The following CFAP54 variants were observed in gnomAD, a reference collection of about 807,000 sequenced individuals.
CFAP54 encodes the protein cilia and flagella associated protein 54, also known as cilia- and flagella-associated protein 54.
In CFAP54, 290 loss-of-function variants were observed where a neutral mutation model predicts 370.4. The observed-to-expected ratio is 0.78, with a 90% confidence interval of 0.71 to 0.86. CFAP54 has a LOEUF of 0.86. CFAP54 is among the 40% of genes least tolerant of loss of function. The pLI, the probability that CFAP54 is intolerant of heterozygous loss-of-function variation, is 0.00. For missense variants in CFAP54, 3,399 were observed against 3,528.7 expected (o/e 0.96, Z 0.93); for synonymous variants, 1,206 against 1,236.5 (o/e 0.98, Z 0.52).
chr12:96,520,248 A>G (rs1955289781), intron 6 of CFAP54, among the ~76,000 whole-genome samples: 3 of 152,174 alleles, frequency 2.0e-5, no homozygotes, highest in Admixed American at 6.5e-5. Flanking sequence ...TACTTGAAAT[A>G]TAACTTAACT....
chr12:96,513,092 T>G lies in CFAP54; in HGVS notation c.798+48T>G, dbSNP rs183291185. 6,100 of 1,204,000 alleles carry G rather than the reference T, an allele frequency of 5.1e-3. 19 individuals are homozygous for G. Among genetic ancestry groups the G allele is most frequent in the Non-Finnish European group, 6.0e-3 (5,317 of 882,324 alleles). The allele number at this position is 1,204,000 out of a possible 1,614,324, so 74.6% of individuals were successfully genotyped here. A position where few individuals can be genotyped will look rare whatever the true frequency, so the allele number is the denominator to read the frequency against. On this transcript the variant is annotated intron_variant, in intron 5 of 67. Transcript: ENST00000524981. The stretch of plus-strand genomic sequence containing the variant: ...ATTTTCCCCTCTATTTCCTGTTTTA[T>G]TTTTCTTAAGGCTTTCATTACACAG...
intron 38 of CFAP54, among the ~76,000 whole-genome samples, chr12:96,663,434 T>C (rs1957019669): frequency 6.6e-6 from 1 of 152,194 alleles, no homozygotes; most frequent in South Asian, 2.1e-4. Context: ...GGAAGTTAGT[T>C]CTGAAAAACT....
intron 55 of CFAP54, among the ~76,000 whole-genome samples, chr12:96,749,719 C>G (rs966790092): frequency 6.6e-6 from 1 of 152,204 alleles, no homozygotes; most frequent in African/African-American, 2.4e-5. Context: ...CTTTATATCT[C>G]TATACATGCT....
At chr12:96,503,405 C>T (rs1484205108) in intron 2 of CFAP54, among the ~76,000 whole-genome samples, 3 of 143,612 alleles carry the variant, frequency 2.1e-5, no homozygotes, top group South Asian at 2.3e-4. Context: ...TCCTCCCTTC[C>T]TCTCTCCCTC....
chr12:96,816,081 T>C (rs1269179946), intron 64 of CFAP54, among the ~76,000 whole-genome samples: 1 of 152,236 alleles, frequency 6.6e-6, no homozygotes, highest in Non-Finnish European at 1.5e-5. Context: ...TAAAGTAGTT[T>C]TTTTCTAATT....
intron 45 of CFAP54, among the ~76,000 whole-genome samples, chr12:96,698,763 T>C (rs148183147): frequency 6.6e-6 from 1 of 152,220 alleles, no homozygotes; most frequent in East Asian, 1.9e-4. Context: ...TGACTGCAAG[T>C]TGTTCAGGTT....
At chr12:96,795,236 G>A (rs1336493567) in intron 63 of CFAP54, among the ~76,000 whole-genome samples, 1 of 152,160 alleles carries the variant, frequency 6.6e-6, no homozygotes, top group African/African-American at 2.4e-5. Context: ...AGGAAGTGGT[G>A]CTTTCAAGAG....
intron 11 of CFAP54, 93 bp from the exon 12 acceptor site, chr12:96,535,422 A>AT (rs11453356): frequency 0.41 from 299,346 of 734,462 alleles, 63,941 homozygotes; most frequent in South Asian, 0.45. Context: ...CATTTGTGTC[A>AT]TTTTTTTAGC....
intron 60 of CFAP54, among the ~76,000 whole-genome samples, chr12:96,773,533 A>C (rs1359745622): frequency 6.6e-6 from 1 of 152,256 alleles, no homozygotes; most frequent in Non-Finnish European, 1.5e-5. Context: ...TTTAAGATGG[A>C]TGTTGAGTGA....
chr12:96,664,736 T>G (rs1208814703), intron 39 of CFAP54, among the ~76,000 whole-genome samples: 2 of 26,650 alleles, frequency 7.5e-5, no homozygotes, highest in African/African-American at 3.2e-4. Flanking sequence ...TATATATATA[T>G]ATCTATATAT....
Position 96,786,763 on chromosome 12 carries a change from A to C in CFAP54, c.8544A>C (p.Lys2848Asn), listed in dbSNP as rs974053281. Residue 2848 changes from lysine to asparagine, a missense_variant, in exon 62 of 68, where the codon AAA (lysine) becomes AAC (asparagine). Lys to Asn is a moderately conservative substitution (Grantham distance 94). Around this residue, in one of 3 missense-constraint regions of CFAP54, gnomAD observed 2,796 missense variants for 2,869.7 expected, o/e 0.97. Transcript: ENST00000524981. ...ACTCTGAGTTGATTTTGCGCCAGAA[A>C]GAAGTGCATTTTTTCCTTAAAAAAT... ...LYNSELILRQ[K>N]EVHFFLKKFL... 1 of 1,535,972 alleles carries C rather than the reference A, an allele frequency of 6.5e-7. No individual in the cohort carries two copies. Among genetic ancestry groups the C allele is most frequent in the Non-Finnish European group, 8.7e-7 (1 of 1,146,794 alleles).
At chr12:96,513,075 CT>C (rs1955190690) in intron 5 of CFAP54, 31 bp downstream of exon 5, 1 of 1,355,344 alleles carries the variant, frequency 7.4e-7, no homozygotes, top group Non-Finnish European at 9.8e-7. Flanking sequence ...ATATTTTCCC[CT>C]CTATTTCCTG....
intron 39 of CFAP54, among the ~76,000 whole-genome samples, chr12:96,671,205 C>T (rs1957142343): frequency 6.6e-6 from 1 of 152,144 alleles, no homozygotes; most frequent in South Asian, 2.1e-4. Flanking sequence ...CACCTGACCT[C>T]AAGTGATCCA....
intron 65 of CFAP54, among the ~76,000 whole-genome samples, chr12:96,820,840 G>A (rs1430778326): frequency 6.6e-6 from 1 of 152,076 alleles, no homozygotes; most frequent in Admixed American, 6.6e-5. Context: ...TACCTACAAT[G>A]ACAGTTTTTA....
intron 66 of CFAP54, among the ~76,000 whole-genome samples, chr12:96,830,207 T>C (rs1565995380): frequency 6.6e-6 from 1 of 152,162 alleles, no homozygotes; most frequent in South Asian, 2.1e-4. Context: ...GAAGCCTTGA[T>C]TTCAAATCTT....
chr12:96,503,030 C>G (rs1955047925), intron 2 of CFAP54, among the ~76,000 whole-genome samples: 2 of 145,546 alleles, frequency 1.4e-5, no homozygotes, highest in Non-Finnish European at 3.0e-5. Context: ...CCTCTCCCTT[C>G]CTTTCCTTCC....
chr12:96,573,060 A>C, intron 19 of CFAP54: 1 of 985,098 alleles, frequency 1.0e-6, no homozygotes, highest in South Asian at 4.7e-5. Context: ...GGTCAAAGGC[A>C]GTCTGCTTGA....
intron 14 of CFAP54, among the ~76,000 whole-genome samples, chr12:96,542,545 A>G (rs982235832): frequency 3.3e-5 from 5 of 152,164 alleles, no homozygotes; most frequent in African/African-American, 1.2e-4. Context: ...TCCGGCACCA[A>G]TAATTATCAA....
At chr12:96,702,694 C>CA (rs1204539236) in intron 46 of CFAP54, among the ~76,000 whole-genome samples, 1 of 152,120 alleles carries the variant, frequency 6.6e-6, no homozygotes. Flanking sequence ...TTTGTATTCT[C>CA]AAAGTTAATT....
Sources: gnomAD v4.1 joint callset for allele counts (sites outside exome capture counted in the v4.1 genomes callset) on GRCh38, gnomAD v4.1.1 for gene constraint, gnomAD v4.1.1 regional missense constraint, MANE v1.5 for transcripts, NCBI Gene and HGNC (gene_info 2026-07-23, HGNC 2026-07-21) for gene names.